The following SLC35F2 variants were observed in gnomAD, a reference collection of about 807,000 sequenced individuals.
SLC35F2 encodes queuine/queuosine transporter SLC35F2.
A neutral mutation model predicts 38.1 loss-of-function variants in SLC35F2; 25 were observed. The observed-to-expected ratio is 0.66, with a 90% CI of 0.48 to 0.92. The LOEUF is 0.92. SLC35F2 is among the 40% of genes least tolerant of loss of function. SLC35F2 has a pLI of 0.00. For synonymous variants in SLC35F2, 173 were observed against 181.7 expected (o/e 0.95, Z 0.38); for missense variants, 409 against 452.9 (o/e 0.90, Z 0.88).
At chr11:107,810,499 A>T (rs1859464246) in intron 3 of SLC35F2, 1 of 984,758 alleles carries the variant, frequency 1.0e-6, no homozygotes, top group Non-Finnish European at 1.2e-6. Context: ...CTACATACTT[A>T]TGTATACTTC....
chr11:107,837,478 AG>A (rs1451468966), intron 1 of SLC35F2, among the ~76,000 whole-genome samples: 1 of 150,780 alleles, frequency 6.6e-6, no homozygotes, highest in Non-Finnish European at 1.5e-5. Context: ...ACTTGAGGTC[AG>A]GAGTTCGAAA....
intron 1 of SLC35F2, among the ~76,000 whole-genome samples, chr11:107,828,795 T>C (rs1859792528): frequency 1.3e-5 from 2 of 152,086 alleles, no homozygotes; most frequent in Admixed American, 1.3e-4. Context: ...ATATCTGCCC[T>C]TTCTAAAACT....
At chr11:107,826,310 CTTG>C (rs1334862794) in intron 1 of SLC35F2, among the ~76,000 whole-genome samples, 1 of 145,660 alleles carries the variant, frequency 6.9e-6, no homozygotes, top group African/African-American at 2.6e-5. Flanking sequence ...CAGTTTTGCT[CTTG>C]TTGTCCATGC....
intron 6 of SLC35F2, among the ~76,000 whole-genome samples, chr11:107,803,747 A>G (rs933242114): frequency 3.4e-5 from 5 of 146,874 alleles, no homozygotes; most frequent in Admixed American, 7.0e-5. Flanking sequence ...TCTGCTTTGC[A>G]ACTACTTCTT....
intron 1 of SLC35F2, among the ~76,000 whole-genome samples, chr11:107,839,110 T>A (rs1289078399): frequency 6.6e-6 from 1 of 152,216 alleles, no homozygotes; most frequent in Non-Finnish European, 1.5e-5. Flanking sequence ...CAATAAAATA[T>A]ACCATATGTA....
intron 7 of SLC35F2, among the ~76,000 whole-genome samples, chr11:107,800,751 ATTTTTGTATT>A (rs1453844570): frequency 1.3e-5 from 2 of 151,852 alleles, no homozygotes; most frequent in African/African-American, 4.8e-5. Flanking sequence ...CTGGCTCATT[ATTTTTGTATT>A]TTTTTGTAGG....
intron 4 of SLC35F2, chr11:107,806,449 G>A (rs1591188009): frequency 2.5e-6 from 1 of 403,838 alleles, no homozygotes; most frequent in East Asian, 5.7e-5. Context: ...TGAATTCATG[G>A]ACCTTAATTA....
chr11:107,795,565 T>C (rs779933030), intron 7 of SLC35F2, among the ~76,000 whole-genome samples: 4 of 152,180 alleles, frequency 2.6e-5, no homozygotes, highest in Non-Finnish European at 5.9e-5. Flanking sequence ...CTGCAAACTA[T>C]TAATCCAACA....
rs184565401 is a variant in SLC35F2, at chr11:107,817,169, G to A, written c.111-1204C>T. ...CAGGCGCCTGTAATCCCAGCTACTCGGGAGGCTGAGGCATGAGAATCACTT... is the reference window on the plus strand; with the variant it reads ...CAGGCGCCTGTAATCCCAGCTACTCAGGAGGCTGAGGCATGAGAATCACTT... On this transcript the variant is annotated intron_variant, in intron 1 of 7. Coordinates refer to ENST00000525815, the MANE Select transcript of SLC35F2 (RefSeq NM_017515.5). Among the ~76,000 whole-genome samples, 82 of 152,094 alleles carry A rather than the reference G, an allele frequency of 5.4e-4. 1 individual carries two copies. The East Asian group carries it at 7.4e-3, about 14-fold the overall frequency.
At chr11:107,846,687 T>G (rs1470737989) in intron 1 of SLC35F2, among the ~76,000 whole-genome samples, 1 of 152,168 alleles carries the variant, frequency 6.6e-6, no homozygotes, top group East Asian at 1.9e-4. Context: ...ATCCCAGCAC[T>G]TTGGGAGGCC....
intron 1 of SLC35F2, among the ~76,000 whole-genome samples, chr11:107,832,442 G>A (rs1333984290): frequency 6.6e-6 from 1 of 152,124 alleles, no homozygotes; most frequent in African/African-American, 2.4e-5. Context: ...AGATAATTTG[G>A]GTGGGATTGT....
At chr11:107,805,710 C>T (rs1161245042) in intron 4 of SLC35F2, 195 bp from the exon 5 acceptor site, 7 of 976,348 alleles carry the variant, frequency 7.2e-6, no homozygotes, top group Non-Finnish European at 7.3e-6. Flanking sequence ...GACAGTCTTG[C>T]TCTGTTGCTC....
At chr11:107,805,085 ACTC>A in intron 5 of SLC35F2, 1 of 985,384 alleles carries the variant, frequency 1.0e-6, no homozygotes, top group South Asian at 4.7e-5. Flanking sequence ...AACTAAAAAA[ACTC>A]CTTACTGGCA....
chr11:107,835,629 C>T (rs1859919360), intron 1 of SLC35F2, among the ~76,000 whole-genome samples: 1 of 152,054 alleles, frequency 6.6e-6, no homozygotes, highest in Admixed American at 6.6e-5. Flanking sequence ...AGGGTTTCAC[C>T]ATGTTCCCCA....
At chr11:107,828,443 A>T (rs968493889) in intron 1 of SLC35F2, among the ~76,000 whole-genome samples, 25 of 152,182 alleles carry the variant, frequency 1.6e-4, no homozygotes, top group African/African-American at 5.8e-4. Context: ...CAAAAAAAAA[A>T]AAAAAAAATA....
rs375907165 is a variant in SLC35F2 at position 107,843,544 on chromosome 11, T to C, written c.110+15114A>G. On this transcript the variant is annotated intron_variant, in intron 1 of 7. Coordinates refer to ENST00000525815, the MANE Select transcript of SLC35F2 (RefSeq NM_017515.5). ...CAGCCTGGGCAACAAAAGCGAAACT[T>C]TGTCTCAAAAAAAAAAAAAAATTAA... 2.3e-3 allele frequency among the ~76,000 whole-genome samples: 338 copies of C among 145,048 alleles called. 4 individuals are homozygous for C. Among genetic ancestry groups the C allele is most frequent in the African/African-American group, 8.1e-3 (314 of 38,762 alleles).
At chr11:107,842,875 CTG>C (rs548453181) in intron 1 of SLC35F2, among the ~76,000 whole-genome samples, 137 of 152,254 alleles carry the variant, frequency 9.0e-4, no homozygotes, top group African/African-American at 3.2e-3. Flanking sequence ...TTCTAGAAGT[CTG>C]TATACAATAG....
chr11:107,855,270 A>C (rs1860258236), intron 1 of SLC35F2, among the ~76,000 whole-genome samples: 1 of 152,158 alleles, frequency 6.6e-6, no homozygotes, highest in Non-Finnish European at 1.5e-5. Flanking sequence ...AACCTTTGTC[A>C]TCCCTCAGTC....
chr11:107,834,111 T>A (rs1242391171), intron 1 of SLC35F2, among the ~76,000 whole-genome samples: 1 of 152,160 alleles, frequency 6.6e-6, no homozygotes. Flanking sequence ...ATGCTGAGGA[T>A]CTACTTACAC....
Sources: gnomAD v4.1 joint callset for allele counts (sites outside exome capture counted in the v4.1 genomes callset) on GRCh38, gnomAD v4.1.1 for gene constraint, MANE v1.5 for transcripts, NCBI Gene and HGNC (gene_info 2026-07-23, HGNC 2026-07-21) for gene names.